ASAP2: variants seen among roughly 807,000 people sequenced by gnomAD.
ASAP2 encodes arf-GAP with SH3 domain, ANK repeat and PH domain-containing protein 2.
In ASAP2, 45 loss-of-function variants were observed where a neutral mutation model predicts 131.4. The ratio of observed to expected loss-of-function variants is 0.34; its 90% CI spans 0.27 to 0.44. The LOEUF (loss-of-function observed/expected upper bound fraction) is 0.44, where lower values mean the gene tolerates loss of function less well. ASAP2 is among the 20% of genes least tolerant of loss of function. The pLI is 1.00. For synonymous variants in ASAP2, 510 were observed against 503.0 expected, an observed-to-expected ratio of 1.01 and a Z score of -0.19; for missense variants, 1,011 against 1,297.0, an observed-to-expected ratio of 0.78 and a Z score of 3.39.
At chr2:9,246,412 A>G (rs1056179806) in intron 1 of ASAP2, among the ~76,000 whole-genome samples, 7 of 151,728 alleles carry the variant, frequency 4.6e-5, no homozygotes, top group South Asian at 2.1e-4. Flanking sequence ...TTGTTCTCCC[A>G]AGTAGCTGGA....
At chr2:9,319,972 A>G (rs919501882) in intron 4 of ASAP2, among the ~76,000 whole-genome samples, 2 of 152,338 alleles carry the variant, frequency 1.3e-5, no homozygotes, top group Middle Eastern at 3.4e-3. Context: ...TTCAGGATTT[A>G]CTTTCAGATT....
Position 9,243,296 on chromosome 2 carries a change from G to A in ASAP2, c.127-36021G>A, listed in dbSNP as rs567209813. Reference sequence around the variant, plus strand: ...GCTAATTTTTTGTATTTTTAGTAGAGATGGGGTTTCACTGTGTTAGCCAGG... The same window carrying A: ...GCTAATTTTTTGTATTTTTAGTAGAAATGGGGTTTCACTGTGTTAGCCAGG... On this transcript the variant is annotated intron_variant, in intron 1 of 27. Coordinates refer to ENST00000281419, the MANE Select transcript of ASAP2 (RefSeq NM_003887.3). Among the ~76,000 whole-genome samples, 13 of 152,280 alleles carry A rather than the reference G, an allele frequency of 8.5e-5. No homozygotes were observed. The East Asian group carries it at 2.3e-3, about 27-fold the overall frequency.
intron 14 of ASAP2, 128 bp downstream of exon 14, chr2:9,356,473 A>C: frequency 9.0e-7 from 1 of 1,114,864 alleles, no homozygotes; most frequent in Non-Finnish European, 1.2e-6. Context: ...GCCTGAGTTC[A>C]TCCCATTACA....
intron 22 of ASAP2, among the ~76,000 whole-genome samples, chr2:9,390,595 G>A (rs558785558): frequency 6.6e-6 from 1 of 152,298 alleles, no homozygotes; most frequent in South Asian, 2.1e-4. Context: ...CTCCTCTAGT[G>A]TCTGATTTGC....
intron 1 of ASAP2, among the ~76,000 whole-genome samples, chr2:9,242,121 G>C (rs979663151): frequency 5.3e-5 from 8 of 152,176 alleles, no homozygotes; most frequent in East Asian, 3.9e-4. Context: ...TGGAAGAGAG[G>C]GGGGAGGTCT....
intron 1 of ASAP2, among the ~76,000 whole-genome samples, chr2:9,234,357 G>A (rs539766539): frequency 6.6e-6 from 1 of 152,306 alleles, no homozygotes; most frequent in African/African-American, 2.4e-5. Flanking sequence ...GAAAACCCGG[G>A]GAGAACATTT....
At chr2:9,382,568 C>T (rs1674945894) in intron 20 of ASAP2, among the ~76,000 whole-genome samples, 1 of 152,214 alleles carries the variant, frequency 6.6e-6, no homozygotes, top group Non-Finnish European at 1.5e-5. Context: ...ATTCTCTCAT[C>T]CTGGTTGAAA....
intron 9 of ASAP2, among the ~76,000 whole-genome samples, chr2:9,342,953 C>T (rs1444122500): frequency 1.3e-5 from 2 of 152,238 alleles, no homozygotes; most frequent in South Asian, 4.1e-4. Flanking sequence ...GTGCTTTTCT[C>T]CCTTTGACTC....
chr2:9,327,983 G>C (rs1268979451), intron 7 of ASAP2, 72 bp downstream of exon 7: 24 of 1,155,594 alleles, frequency 2.1e-5, no homozygotes, highest in Middle Eastern at 2.2e-4. Context: ...TCTATAGATA[G>C]CTCATAGGAA....
chr2:9,228,711 A>G (rs1662946311), intron 1 of ASAP2, among the ~76,000 whole-genome samples: 1 of 152,210 alleles, frequency 6.6e-6, no homozygotes, highest in African/African-American at 2.4e-5. Flanking sequence ...CTCAAGGGAC[A>G]GCAGAATGCG....
intron 1 of ASAP2, among the ~76,000 whole-genome samples, chr2:9,264,454 G>C (rs1665803777): frequency 1.3e-5 from 2 of 152,130 alleles, no homozygotes; most frequent in South Asian, 2.1e-4. Flanking sequence ...TGAGTCCCCA[G>C]CTCTGACGGC....
intron 21 of ASAP2, among the ~76,000 whole-genome samples, chr2:9,386,804 G>T (rs904283707): frequency 6.6e-6 from 1 of 152,224 alleles, no homozygotes; most frequent in Non-Finnish European, 1.5e-5. Context: ...GGTCAGCAAG[G>T]TTGAGTCATT....
At chr2:9,277,228 G>A (rs930682949) in intron 1 of ASAP2, among the ~76,000 whole-genome samples, 1 of 152,240 alleles carries the variant, frequency 6.6e-6, no homozygotes, top group Non-Finnish European at 1.5e-5. Flanking sequence ...TAAGCTTCGC[G>A]AACTGGTGTT....
chr2:9,319,168 G>A (rs1255928434), intron 4 of ASAP2, among the ~76,000 whole-genome samples: 3 of 152,224 alleles, frequency 2.0e-5, no homozygotes, highest in Non-Finnish European at 4.4e-5. Context: ...CTGTTTCGGG[G>A]GCAGCGGACA....
At chr2:9,247,429 A>G (rs942311516) in intron 1 of ASAP2, among the ~76,000 whole-genome samples, 1 of 152,212 alleles carries the variant, frequency 6.6e-6, no homozygotes, top group African/African-American at 2.4e-5. Flanking sequence ...CTAATAGGAT[A>G]TTGCCCTCAT....
At chr2:9,225,510 T>C (rs1262811885) in intron 1 of ASAP2, among the ~76,000 whole-genome samples, 1 of 152,180 alleles carries the variant, frequency 6.6e-6, no homozygotes, top group Non-Finnish European at 1.5e-5. Flanking sequence ...CGATTTTACC[T>C]CTGAGGTCAT....
intron 1 of ASAP2, among the ~76,000 whole-genome samples, chr2:9,277,820 A>G (rs185962906): frequency 7.2e-4 from 110 of 152,264 alleles, no homozygotes; most frequent in African/African-American, 2.4e-3. Context: ...TATTGCAGCC[A>G]CTCTGTCAAA....
rs1360866872 is a variant in ASAP2, at chr2:9,375,107, A to C, written c.1746+163A>C. On this transcript the variant is annotated intron_variant, in intron 17 of 27. Coordinates refer to ENST00000281419, the MANE Select transcript of ASAP2 (RefSeq NM_003887.3). ...CACCATAGGGAGGCCCCATCTCTAC[A>C]AAAAAAAAAAAAAAAAAAAGTAAAA... Among the ~76,000 whole-genome samples the C allele has an allele frequency of 1.6e-4, 13 of 83,472 alleles. No individual in the cohort carries two copies. The East Asian group carries it at 1.6e-3, about 10-fold the overall frequency. The allele number at this position is 83,472 out of a possible 152,430, so 54.8% of individuals were successfully genotyped here. A position where few individuals can be genotyped will look rare whatever the true frequency, so the allele number is the denominator to read the frequency against.
intron 17 of ASAP2, 71 bp from the exon 18 acceptor site, chr2:9,376,837 T>C (rs1674436947): frequency 7.4e-7 from 1 of 1,355,458 alleles, no homozygotes; most frequent in Non-Finnish European, 1.1e-6. Context: ...TTGTACACGA[T>C]TTCACCGGTG....
Sources: gnomAD v4.1 joint callset for allele counts (sites outside exome capture counted in the v4.1 genomes callset) on GRCh38, gnomAD v4.1.1 for gene constraint, MANE v1.5 for transcripts, NCBI Gene and HGNC (gene_info 2026-07-23, HGNC 2026-07-21) for gene names.